WASF1: variants seen among roughly 807,000 people sequenced by gnomAD.
The protein encoded by WASF1 is actin-binding protein WASF1.
Under a neutral mutation model 50.5 loss-of-function variants are expected in WASF1, and 7 were observed. The observed-to-expected ratio is 0.14, with a 90% CI of 0.08 to 0.26. WASF1 has a LOEUF of 0.26. WASF1 is among the 10% of genes least tolerant of loss of function. The probability of loss-of-function intolerance (pLI) is 1.00; values close to 1 mark genes in which losing one functional copy is unlikely to be tolerated. For synonymous variants in WASF1, 205 were observed against 244.0 expected, an observed-to-expected ratio of 0.84 and a Z score of 1.49; for missense variants, 470 against 694.7, an observed-to-expected ratio of 0.68 and a Z score of 3.64.
chr6:110,140,245 G>C (rs1775166242), intron 3 of WASF1, among the ~76,000 whole-genome samples: 1 of 152,198 alleles, frequency 6.6e-6, no homozygotes, highest in Admixed American at 6.5e-5. Flanking sequence ...TTCCAGAGAG[G>C]TAAACACATG....
intron 3 of WASF1, among the ~76,000 whole-genome samples, chr6:110,149,280 T>C (rs1475768006): frequency 6.6e-6 from 1 of 152,148 alleles, no homozygotes; most frequent in African/African-American, 2.4e-5. Flanking sequence ...GCCTGAAGGA[T>C]AAATCTTAGA....
At chr6:110,176,240 T>C (rs1437108987) in intron 2 of WASF1, among the ~76,000 whole-genome samples, 1 of 152,114 alleles carries the variant, frequency 6.6e-6, no homozygotes, top group African/African-American at 2.4e-5. Context: ...GCATTCAGCA[T>C]AGGATTTAAT....
intron 5 of WASF1, among the ~76,000 whole-genome samples, chr6:110,110,492 T>A (rs529467222): frequency 3.6e-4 from 55 of 152,202 alleles, no homozygotes; most frequent in Non-Finnish European, 6.9e-4. Flanking sequence ...ACTTCCTTGG[T>A]AAAGGATGTA....
At chr6:110,175,501 G>A (rs533995066) in intron 2 of WASF1, among the ~76,000 whole-genome samples, 4 of 152,080 alleles carry the variant, frequency 2.6e-5, no homozygotes, top group South Asian at 2.1e-4. Context: ...GGACGTAAGC[G>A]GTAACTTTAG....
chr6:110,158,412 T>C (rs1776116721), intron 3 of WASF1, among the ~76,000 whole-genome samples: 1 of 134,084 alleles, frequency 7.5e-6, no homozygotes, highest in African/African-American at 3.1e-5. Context: ...ATCCCCTTTA[T>C]CATTTTTTAT....
chr6:110,172,745 C>T (rs988233703), intron 2 of WASF1, among the ~76,000 whole-genome samples: 4 of 151,960 alleles, frequency 2.6e-5, no homozygotes, highest in African/African-American at 4.8e-5. Context: ...TATACATGGA[C>T]ATAAAGAGTG....
chr6:110,111,108 A>G lies in WASF1; in HGVS notation c.268+2218T>C, dbSNP rs185652967. Among the ~76,000 whole-genome samples, 1,071 of 152,302 alleles carry G rather than the reference A, an allele frequency of 7.0e-3. 10 individuals are homozygous for G. Among genetic ancestry groups the G allele is most frequent in the Non-Finnish European group, 9.0e-3 (615 of 68,004 alleles). ...GCTCTAAGACATTTGTTAAAATGTA[A>G]CAATATTTTGAAACTAAATGTTGAT... On this transcript the variant is annotated intron_variant, in intron 5 of 10. Coordinates refer to ENST00000392589, the MANE Select transcript of WASF1 (RefSeq NM_003931.3).
chr6:110,105,268 G>T, intron 8 of WASF1, 139 bp downstream of exon 8: 2 of 931,750 alleles, frequency 2.1e-6, no homozygotes, highest in Non-Finnish European at 3.1e-6. Context: ...GCTCACAGTG[G>T]TCAGGATTTT....
At chr6:110,161,599 T>C (rs1191124693) in intron 2 of WASF1, among the ~76,000 whole-genome samples, 1 of 151,586 alleles carries the variant, frequency 6.6e-6, no homozygotes, top group Non-Finnish European at 1.5e-5. Flanking sequence ...ATGTTTTCCC[T>C]GAAGAAAACT....
At chr6:110,106,798 ACCCTG>A (rs1773343601) in intron 7 of WASF1, among the ~76,000 whole-genome samples, 1 of 152,170 alleles carries the variant, frequency 6.6e-6, no homozygotes, top group African/African-American at 2.4e-5. Context: ...GGAAGGGTTT[ACCCTG>A]CCTGCTAGCT....
intron 3 of WASF1, among the ~76,000 whole-genome samples, chr6:110,133,034 C>T (rs958393689): frequency 6.7e-6 from 1 of 149,972 alleles, no homozygotes. Context: ...TAATGACATT[C>T]ATAGCAAGCT....
intron 3 of WASF1, among the ~76,000 whole-genome samples, chr6:110,147,206 C>T (rs904564824): frequency 6.6e-6 from 1 of 151,822 alleles, no homozygotes; most frequent in South Asian, 2.1e-4. Flanking sequence ...ATTAGCCGGG[C>T]GTGGTGGCGG....
intron 2 of WASF1, among the ~76,000 whole-genome samples, chr6:110,172,938 A>T (rs1776778556): frequency 6.6e-6 from 1 of 152,138 alleles, no homozygotes; most frequent in African/African-American, 2.4e-5. Flanking sequence ...TTAAGAAGTG[A>T]GTGCTAGTCT....
chr6:110,140,541 C>T (rs1038549896), intron 3 of WASF1, among the ~76,000 whole-genome samples: 2 of 152,050 alleles, frequency 1.3e-5, no homozygotes, highest in African/African-American at 4.8e-5. Flanking sequence ...ACTGAACCCT[C>T]AATCTATGGG....
chr6:110,176,830 C>CA (rs1201675610), intron 2 of WASF1, among the ~76,000 whole-genome samples: 1 of 152,016 alleles, frequency 6.6e-6, no homozygotes, highest in African/African-American at 2.4e-5. Context: ...AACAAATTCT[C>CA]AAAAACGAAA....
intron 4 of WASF1, among the ~76,000 whole-genome samples, chr6:110,123,163 T>A (rs1774217411): frequency 6.6e-6 from 1 of 152,204 alleles, no homozygotes; most frequent in Admixed American, 6.5e-5. Flanking sequence ...AGCATTTATA[T>A]ATAATCAGCA....
intron 4 of WASF1, among the ~76,000 whole-genome samples, chr6:110,116,436 G>A (rs920887888): frequency 2.0e-5 from 3 of 152,162 alleles, no homozygotes; most frequent in Non-Finnish European, 4.4e-5. Context: ...CACTGCTAGT[G>A]CGGCAGTCTG....
chr6:110,155,095 C>A (rs529584800), intron 3 of WASF1, among the ~76,000 whole-genome samples: 4 of 152,146 alleles, frequency 2.6e-5, no homozygotes, highest in African/African-American at 9.6e-5. Flanking sequence ...GCTCCTAATA[C>A]CCTGAAATAA....
chr6:110,155,483 A>C (rs929586916), intron 3 of WASF1, among the ~76,000 whole-genome samples: 3 of 145,108 alleles, frequency 2.1e-5, no homozygotes, highest in African/African-American at 7.6e-5. Context: ...TAAGGAAATT[A>C]CTTGCCTCTA....
Sources: gnomAD v4.1 joint callset for allele counts (sites outside exome capture counted in the v4.1 genomes callset) on GRCh38, gnomAD v4.1.1 for gene constraint, MANE v1.5 for transcripts, NCBI Gene and HGNC (gene_info 2026-07-23, HGNC 2026-07-21) for gene names.